Variants in PPP4R3B observed in about 807,000 individuals in gnomAD.
The protein encoded by PPP4R3B is serine/threonine-protein phosphatase 4 regulatory subunit 3B.
In PPP4R3B, 52 loss-of-function variants were observed where a neutral mutation model predicts 95.4. The ratio of observed to expected loss-of-function variants is 0.54; its 90% CI spans 0.44 to 0.69. The LOEUF is 0.69. PPP4R3B is among the 30% of genes least tolerant of loss of function. PPP4R3B has a pLI of 0.00. For missense variants in PPP4R3B, 1,003 were observed against 1,005.9 expected, an observed-to-expected ratio of 1.00 and a Z score of 0.04; for synonymous variants, 407 against 343.9, an observed-to-expected ratio of 1.18 and a Z score of -2.03.
At chr2:55,558,641 T>C in intron 16 of PPP4R3B, 134 bp downstream of exon 16, 1 of 645,068 alleles carries the variant, frequency 1.6e-6, no homozygotes, top group Non-Finnish European at 2.6e-6. Context: ...AATTCTACAA[T>C]CAACATTTTG....
chr2:55,613,114 AATT>A (rs1195761974), intron 2 of PPP4R3B, among the ~76,000 whole-genome samples: 2 of 152,142 alleles, frequency 1.3e-5, no homozygotes, highest in Non-Finnish European at 2.9e-5. Context: ...CTCTCAAAAA[AATT>A]ATTTTCAAAA....
chr2:55,616,026 C>T (rs1311124463), intron 1 of PPP4R3B, among the ~76,000 whole-genome samples: 11 of 150,946 alleles, frequency 7.3e-5, no homozygotes, highest in African/African-American at 2.4e-4. Flanking sequence ...CACCCTATTC[C>T]CATACACCCT....
At chr2:55,565,611 T>C (rs1326524581) in intron 13 of PPP4R3B, 1 of 152,252 alleles carries the variant, frequency 6.6e-6, no homozygotes, top group Non-Finnish European at 1.5e-5. Context: ...TACATCTGTA[T>C]AATATTATGT....
intron 4 of PPP4R3B, among the ~76,000 whole-genome samples, chr2:55,594,259 T>C (rs763219450): frequency 2.1e-5 from 3 of 139,594 alleles, no homozygotes; most frequent in African/African-American, 8.0e-5. Flanking sequence ...ACTCATGCAA[T>C]ACCCATGTAA....
intron 9 of PPP4R3B, among the ~76,000 whole-genome samples, chr2:55,578,917 G>C (rs1689060959): frequency 6.6e-6 from 1 of 152,022 alleles, no homozygotes; most frequent in African/African-American, 2.4e-5. Flanking sequence ...GCTTATGTTA[G>C]TATGTAGTAT....
intron 15 of PPP4R3B, among the ~76,000 whole-genome samples, chr2:55,559,969 A>C (rs1166809323): frequency 2.6e-5 from 4 of 152,116 alleles, no homozygotes; most frequent in African/African-American, 9.7e-5. Context: ...TAAAAATACA[A>C]AAATTAGCTG....
At chr2:55,606,977 T>C (rs1315102832) in intron 2 of PPP4R3B, among the ~76,000 whole-genome samples, 5 of 152,178 alleles carry the variant, frequency 3.3e-5, no homozygotes, top group Non-Finnish European at 7.3e-5. Context: ...TTAACCATTA[T>C]CTAGTTCATT....
rs1386337183 is a variant in PPP4R3B, at chr2:55,585,116, G to T, written c.1168C>A (p.Leu390Ile). ...ACCATAGATGGACTAAATTCTACTA[G>T]ATAAGAAAATATATCTGTAGCAGCT... ...RSAATDIFSY[L>I]VEFSPSMVRE... Residue 390 changes from leucine (L) to isoleucine (I), a missense_variant, in exon 7 of 17, where the codon CTA becomes ATA. Physicochemically the swap from Leu to Ile is conservative, Grantham distance 5. Around this residue, in one of 3 missense-constraint regions of PPP4R3B, gnomAD observed 695 missense variants for 686.2 expected, o/e 1.01. Coordinates refer to ENST00000616407, the MANE Select transcript of PPP4R3B (RefSeq NM_001122964.3). The T allele has an allele frequency of 1.9e-6, 3 of 1,611,178 alleles. No homozygotes were observed. Among genetic ancestry groups the T allele is most frequent in the Non-Finnish European group, 2.5e-6 (3 of 1,178,862 alleles).
chr2:55,558,542 A>T (rs753576348), intron 16 of PPP4R3B, among the ~76,000 whole-genome samples: 1 of 152,058 alleles, frequency 6.6e-6, no homozygotes, highest in African/African-American at 2.4e-5. Context: ...CGGGAGGCGG[A>T]GGTTGCAGTG....
chr2:55,581,873 A>G (rs535050001), intron 7 of PPP4R3B, among the ~76,000 whole-genome samples, 175 bp from the exon 8 acceptor site: 1 of 152,054 alleles, frequency 6.6e-6, no homozygotes, highest in Non-Finnish European at 1.5e-5. Flanking sequence ...AAAATACTAC[A>G]CACTAGAGTG....
Position 55,548,927 on chromosome 2 carries a change from A to G in PPP4R3B, c.*984T>C, listed in dbSNP as rs147444949. On this transcript the variant is annotated 3_prime_UTR_variant, in exon 17 of 17. Transcript: ENST00000616407. ...TCACACCCTTGTTTACAGAAAAGCT[A>G]CATGTGCTGCATGCTGACTTTGACA... 994 of 152,752 alleles carry G rather than the reference A, an allele frequency of 6.5e-3. 5 individuals are homozygous for G. Among genetic ancestry groups the G allele is most frequent in the Non-Finnish European group, 0.011 (773 of 68,020 alleles). The allele number at this position is 152,752 out of a possible 1,614,324, so 9.5% of individuals were successfully genotyped here. A position where few individuals can be genotyped will look rare whatever the true frequency, so the allele number is the denominator to read the frequency against.
chr2:55,607,554 TAAGAGGCTC>T (rs1356353686), intron 2 of PPP4R3B, among the ~76,000 whole-genome samples: 1 of 152,146 alleles, frequency 6.6e-6, no homozygotes, highest in African/African-American at 2.4e-5. Flanking sequence ...AGGTATGGGG[TAAGAGGCTC>T]AAAGGTTGCA....
chr2:55,566,749 T>G (rs1435910031), intron 13 of PPP4R3B, among the ~76,000 whole-genome samples: 1 of 152,222 alleles, frequency 6.6e-6, no homozygotes, highest in East Asian at 1.9e-4. Context: ...GGCTCACACC[T>G]GTAATCCAAC....
In PPP4R3B at chr2:55,569,380, C is replaced by T. The variant is rs1441430591; in HGVS notation, c.1766-1017G>A. On this transcript the variant is annotated intron_variant, in intron 12 of 16. Coordinates refer to ENST00000616407, the MANE Select transcript of PPP4R3B (RefSeq NM_001122964.3). ...CCTCCACCTCTTGTGAAGGGCCTGA[C>T]ATTAGTCAGGCCCACCTGCAGTTAT... Among the ~76,000 whole-genome samples, 5 of 152,254 alleles carry T rather than the reference C, an allele frequency of 3.3e-5. No individual in the cohort carries two copies. The East Asian group carries it at 9.7e-4, about 29-fold the overall frequency.
chr2:55,569,237 G>C (rs1181114636), intron 12 of PPP4R3B, among the ~76,000 whole-genome samples: 1 of 152,066 alleles, frequency 6.6e-6, no homozygotes, highest in Non-Finnish European at 1.5e-5. Context: ...GAAGATGCCC[G>C]TTGCCAAGCA....
rs183150203 is a variant in PPP4R3B, at chr2:55,597,560, T to C, written c.921+856A>G. ...TGGCGTGAACCCGGGAGGCGGAGCT[T>C]GCAGTGAGCCAAGATTGCGCCACTG... On this transcript the variant is annotated intron_variant, in intron 4 of 16. Transcript: ENST00000616407. 4.6e-3 allele frequency among the ~76,000 whole-genome samples: 702 copies of C among 152,236 alleles called. 3 individuals are homozygous for C. Among genetic ancestry groups the C allele is most frequent in the Non-Finnish European group, 7.3e-3 (500 of 68,028 alleles).
rs536200807 is a variant in PPP4R3B at position 55,559,070 on chromosome 2, G to A, written c.2261-102C>T. ...AAAAACTTATAAAACATTGCTGCCCGGGCATGGTGGCTCACGCCTGTAATC... is the reference window on the plus strand; with the variant it reads ...AAAAACTTATAAAACATTGCTGCCCAGGCATGGTGGCTCACGCCTGTAATC... On this transcript the variant is annotated intron_variant, in intron 15 of 16. Coordinates refer to ENST00000616407, the MANE Select transcript of PPP4R3B (RefSeq NM_001122964.3). 291 of 917,960 alleles carry A rather than the reference G, an allele frequency of 3.2e-4. 3 individuals carry two copies. The highest frequency in any genetic ancestry group is 3.6e-4 in the Middle Eastern group (1 of 2,814). The allele number at this position is 917,960 out of a possible 1,614,324, so 56.9% of individuals were successfully genotyped here.
intron 4 of PPP4R3B, among the ~76,000 whole-genome samples, chr2:55,590,496 T>A (rs1270134945): frequency 6.6e-6 from 1 of 152,162 alleles, no homozygotes; most frequent in African/African-American, 2.4e-5. Context: ...TTCTTTTTGG[T>A]TATCTATATT....
At chr2:55,561,382 T>G (rs1305640752) in intron 15 of PPP4R3B, among the ~76,000 whole-genome samples, 1 of 152,158 alleles carries the variant, frequency 6.6e-6, no homozygotes, top group Non-Finnish European at 1.5e-5. Flanking sequence ...GGAAGGGAAA[T>G]GTGAGGTTGG....
Sources: allele counts gnomAD v4.1 joint callset (sites outside exome capture counted in the v4.1 genomes callset), GRCh38; gene constraint gnomAD v4.1.1; regional missense constraint gnomAD v4.1.1; transcripts MANE v1.5; gene names NCBI Gene and HGNC (gene_info 2026-07-23, HGNC 2026-07-21).